The following ZSWIM6 variants were observed in gnomAD, a reference collection of about 807,000 sequenced individuals.
ZSWIM6 encodes the protein zinc finger SWIM domain-containing protein 6.
A neutral mutation model predicts 113.2 loss-of-function variants in ZSWIM6; 9 were observed. The ratio of observed to expected loss-of-function variants is 0.08; its 90% confidence interval spans 0.05 to 0.14. The LOEUF is 0.14. Ranked by LOEUF, ZSWIM6 falls within the 10% of genes least tolerant of loss-of-function variation. The pLI is 1.00. For missense variants in ZSWIM6, 1,162 were observed against 1,552.2 expected, an observed-to-expected ratio of 0.75 and a Z score of 4.22; for synonymous variants, 611 against 606.5, an observed-to-expected ratio of 1.01 and a Z score of -0.11.
At chr5:61,487,743 A>T (rs533467423) in intron 2 of ZSWIM6, among the ~76,000 whole-genome samples, 35 of 152,160 alleles carry the variant, frequency 2.3e-4, no homozygotes, top group African/African-American at 8.2e-4. Flanking sequence ...CTGCAACTTT[A>T]CTGAATTCGT....
intron 2 of ZSWIM6, among the ~76,000 whole-genome samples, chr5:61,486,063 A>G (rs1748010592): frequency 6.6e-6 from 1 of 152,090 alleles, no homozygotes; most frequent in African/African-American, 2.4e-5. Context: ...TAGGGCATCC[A>G]TCACCTGGAT....
chr5:61,335,728 C>G (rs771232221), intron 1 of ZSWIM6, among the ~76,000 whole-genome samples: 3 of 152,108 alleles, frequency 2.0e-5, no homozygotes, highest in Admixed American at 6.5e-5. Context: ...TAGGGAAAAT[C>G]TAGTTGTTGG....
chr5:61,473,107 G>A, intron 2 of ZSWIM6, 70 bp downstream of exon 2: 1 of 1,009,330 alleles, frequency 9.9e-7, no homozygotes, highest in Non-Finnish European at 1.4e-6. Flanking sequence ...CAATTCTTCT[G>A]CATAAAAGTG....
chr5:61,398,511 A>G (rs769630229), intron 1 of ZSWIM6, among the ~76,000 whole-genome samples: 12 of 152,128 alleles, frequency 7.9e-5, no homozygotes, highest in Non-Finnish European at 1.6e-4. Context: ...GCAATGTTGT[A>G]TAGTGTTTAA....
At chr5:61,381,208 G>A (rs1164631685) in intron 1 of ZSWIM6, among the ~76,000 whole-genome samples, 2 of 152,072 alleles carry the variant, frequency 1.3e-5, no homozygotes, top group East Asian at 3.9e-4. Context: ...AGCCAAGATC[G>A]TGCCACTGCA....
chr5:61,520,095 T>A (rs2112259508), intron 4 of ZSWIM6, among the ~76,000 whole-genome samples: 1 of 152,310 alleles, frequency 6.6e-6, no homozygotes, highest in East Asian at 1.9e-4. Context: ...GGTACCAGTC[T>A]GCAGCCTGGG....
intron 1 of ZSWIM6, among the ~76,000 whole-genome samples, chr5:61,433,338 C>T (rs888963739): frequency 2.0e-5 from 3 of 151,796 alleles, no homozygotes; most frequent in Non-Finnish European, 4.4e-5. Context: ...AGAAGGCATG[C>T]GGTGTGGCAT....
At chr5:61,523,019 G>A (rs768432442) in intron 5 of ZSWIM6, among the ~76,000 whole-genome samples, 21 of 152,154 alleles carry the variant, frequency 1.4e-4, no homozygotes, top group Non-Finnish European at 2.6e-4. Context: ...TTATGGTTTG[G>A]CCTAGGTGAT....
intron 1 of ZSWIM6, chr5:61,375,978 ACTAT>A: frequency 1.7e-6 from 1 of 574,068 alleles, no homozygotes; most frequent in Non-Finnish European, 3.0e-6. Context: ...TTATTCCTGG[ACTAT>A]TCAGTAGCCA....
At chr5:61,390,616 C>T in intron 1 of ZSWIM6, 5 of 664,226 alleles carry the variant, frequency 7.5e-6, no homozygotes, top group Admixed American at 2.1e-5. Flanking sequence ...TTTTTTTTTC[C>T]AGTGGAAAAT....
At chr5:61,393,589 T>C (rs1008327156) in intron 1 of ZSWIM6, among the ~76,000 whole-genome samples, 1 of 152,098 alleles carries the variant, frequency 6.6e-6, no homozygotes, top group Non-Finnish European at 1.5e-5. Flanking sequence ...AACCTACTTT[T>C]AGGCCGGGCG....
intron 1 of ZSWIM6, among the ~76,000 whole-genome samples, chr5:61,469,046 CATTAAATA>C (rs1747504943): frequency 6.6e-6 from 1 of 152,048 alleles, no homozygotes; most frequent in South Asian, 2.1e-4. Flanking sequence ...GGCCTCAGAG[CATTAAATA>C]GCTGCCACAA....
Position 61,525,954 on chromosome 5 carries a change from C to G in ZSWIM6, c.1668C>G (p.Ser556=). ...HDDTENSLFD[S]RGWPLWHEHV... is the part of the protein sequence containing the mutation. ...ACACTGAAAACTCCCTCTTCGACTC[C>G]CGCGGGTGGCCCCTCTGGCATGGTA... Residue 556 remains serine (S), a synonymous_variant, in exon 6 of 14, where the codon TCC becomes TCG. Transcript: ENST00000252744. 1.9e-6 allele frequency: 3 copies of G among 1,552,124 alleles called. 1 individual carries two copies. Among genetic ancestry groups the G allele is most frequent in the Middle Eastern group, 1.7e-4 (1 of 5,998 alleles).
chr5:61,480,176 T>TA (rs1747817085), intron 2 of ZSWIM6, among the ~76,000 whole-genome samples: 1 of 152,216 alleles, frequency 6.6e-6, no homozygotes, highest in South Asian at 2.1e-4. Flanking sequence ...AATGTACAAA[T>TA]ACTTTATTGC....
chr5:61,403,423 C>T (rs1279033524), intron 1 of ZSWIM6, among the ~76,000 whole-genome samples: 3 of 152,168 alleles, frequency 2.0e-5, no homozygotes, highest in Non-Finnish European at 4.4e-5. Context: ...CAGTCCTGTT[C>T]CTCTTGCTAT....
rs78936598 is a variant in ZSWIM6, at chr5:61,482,584, A to G, written c.1034-8202A>G. ...TTGTAGACATTAAATTTCCTGGTCTATGATGTATAGGGTACATGTCTTATT... is the reference window on the plus strand; with the variant it reads ...TTGTAGACATTAAATTTCCTGGTCTGTGATGTATAGGGTACATGTCTTATT... On this transcript the variant is annotated intron_variant, in intron 2 of 13. Transcript: ENST00000252744. Among the ~76,000 whole-genome samples, 663 of 152,336 alleles carry G rather than the reference A, an allele frequency of 4.4e-3. 3 individuals carry two copies. The highest frequency in any genetic ancestry group is 0.014 in the African/African-American group (593 of 41,572).
At chr5:61,499,334 CCTT>C (rs773634861) in intron 4 of ZSWIM6, among the ~76,000 whole-genome samples, 2 of 151,736 alleles carry the variant, frequency 1.3e-5, no homozygotes, top group Admixed American at 6.6e-5. Context: ...GTGTTGTTAA[CCTT>C]CTTTCCAGAA....
At chr5:61,380,339 G>A (rs1014445283) in intron 1 of ZSWIM6, among the ~76,000 whole-genome samples, 11 of 152,302 alleles carry the variant, frequency 7.2e-5, no homozygotes, top group Admixed American at 3.9e-4. Context: ...GCCTCCCAAA[G>A]TGCTGGCATT....
chr5:61,375,178 A>G (rs1250294733), intron 1 of ZSWIM6: 4 of 1,613,378 alleles, frequency 2.5e-6, no homozygotes, highest in East Asian at 2.2e-5. Flanking sequence ...AAGGGGTCCA[A>G]TCCAGTCTTC....
Sources: gnomAD v4.1 joint callset for allele counts (sites outside exome capture counted in the v4.1 genomes callset) on GRCh38, gnomAD v4.1.1 for gene constraint, MANE v1.5 for transcripts, NCBI Gene and HGNC (gene_info 2026-07-23, HGNC 2026-07-21) for gene names.